The following CACHD1 variants were observed in gnomAD, a reference collection of about 807,000 sequenced individuals.
CACHD1 encodes cache domain containing 1.
In CACHD1, 71 loss-of-function variants were observed where a neutral mutation model predicts 138.7. That is an observed-to-expected ratio of 0.51 (90% CI 0.42 to 0.62). CACHD1 has a LOEUF of 0.62. Ranked by LOEUF, CACHD1 falls within the 20% of genes least tolerant of loss-of-function variation. CACHD1 has a pLI of 0.00. For missense variants in CACHD1, 1,389 were observed against 1,625.3 expected (o/e 0.85, Z 2.50); for synonymous variants, 578 against 591.5 (o/e 0.98, Z 0.33).
chr1:64,677,793 T>A (rs1347522360), intron 22 of CACHD1, among the ~76,000 whole-genome samples: 4 of 152,188 alleles, frequency 2.6e-5, no homozygotes, highest in Admixed American at 2.0e-4. Flanking sequence ...TTGGACTTTT[T>A]TTTTTATTTT....
At chr1:64,544,174 C>CAGAGACCCATAAATAGCA (rs1646700324) in intron 1 of CACHD1, among the ~76,000 whole-genome samples, 2 of 152,252 alleles carry the variant, frequency 1.3e-5, no homozygotes, top group African/African-American at 4.8e-5. Flanking sequence ...GTGCTTGCCA[C>CAGAGACCCATAAATAGCA]AGAGACCCAT....
intron 2 of CACHD1, among the ~76,000 whole-genome samples, chr1:64,580,777 A>G (rs977911961): frequency 3.9e-5 from 6 of 152,122 alleles, no homozygotes; most frequent in Middle Eastern, 3.2e-3. Flanking sequence ...GCCTCTATCT[A>G]TCTACTTTGC....
chr1:64,502,179 A>G (rs1007798284), intron 1 of CACHD1, among the ~76,000 whole-genome samples: 1 of 152,276 alleles, frequency 6.6e-6, no homozygotes, highest in Non-Finnish European at 1.5e-5. Flanking sequence ...GACAGAAAAC[A>G]TTGCAAGTAG....
chr1:64,542,135 GATAA>G (rs941950591), intron 1 of CACHD1, among the ~76,000 whole-genome samples: 2 of 152,116 alleles, frequency 1.3e-5, no homozygotes, highest in Admixed American at 1.3e-4. Flanking sequence ...TCGTTTATGA[GATAA>G]ATGAGTTATG....
chr1:64,562,857 G>C (rs1376436575), intron 2 of CACHD1, among the ~76,000 whole-genome samples: 1 of 152,126 alleles, frequency 6.6e-6, no homozygotes, highest in African/African-American at 2.4e-5. Flanking sequence ...ATCTAAAAAT[G>C]GTTTGAGGTT....
intron 1 of CACHD1, among the ~76,000 whole-genome samples, chr1:64,503,942 T>A (rs1646353526): frequency 6.6e-6 from 1 of 152,222 alleles, no homozygotes; most frequent in African/African-American, 2.4e-5. Context: ...TCATTCTGCC[T>A]ACTTTGGAAA....
intron 1 of CACHD1, among the ~76,000 whole-genome samples, chr1:64,540,899 G>A (rs542328417): frequency 7.9e-5 from 12 of 152,208 alleles, no homozygotes; most frequent in African/African-American, 2.4e-4. Flanking sequence ...GGTTTGTAGG[G>A]TGTTAAAGTT....
intron 3 of CACHD1, among the ~76,000 whole-genome samples, chr1:64,591,521 ATGTC>A (rs1322415019): frequency 2.6e-5 from 4 of 152,208 alleles, no homozygotes; most frequent in Non-Finnish European, 4.4e-5. Context: ...GTAAAGAACA[ATGTC>A]TATCTTTCTC....
In CACHD1 at chr1:64,549,795, A is replaced by ATT. The variant is rs138406571; in HGVS notation, c.199-792_199-791dup. ...AAATGATAAGGCTGCTGCTCTTTTT[A>ATT]TTTTTTTTATTTTTTTGCTCCTCTA... On this transcript the variant is annotated intron_variant, in intron 1 of 26. Coordinates refer to ENST00000651257, the MANE Select transcript of CACHD1 (RefSeq NM_020925.4). Among the ~76,000 whole-genome samples the ATT allele has an allele frequency of 3.3e-3, 447 of 136,470 alleles. 1 individual carries two copies. The highest frequency in any genetic ancestry group is 0.015 in the Middle Eastern group (4 of 268). The allele number at this position is 136,470 out of a possible 152,430, so 89.5% of individuals were successfully genotyped here.
intron 1 of CACHD1, among the ~76,000 whole-genome samples, chr1:64,529,600 A>G (rs1467659545): frequency 6.6e-6 from 1 of 152,224 alleles, no homozygotes; most frequent in African/African-American, 2.4e-5. Context: ...CTACTGTGTT[A>G]CAGTGATAAA....
intron 1 of CACHD1, among the ~76,000 whole-genome samples, chr1:64,505,392 A>AG (rs1646364450): frequency 7.0e-6 from 1 of 143,510 alleles, no homozygotes; most frequent in African/African-American, 2.6e-5. Flanking sequence ...AGGGGAGGGG[A>AG]GGGGAGGGGA....
intron 26 of CACHD1, among the ~76,000 whole-genome samples, chr1:64,684,294 T>G (rs762945635): frequency 2.6e-5 from 4 of 152,092 alleles, no homozygotes; most frequent in Non-Finnish European, 5.9e-5. Context: ...GGTAAAAATT[T>G]TTTTTGGTAT....
chr1:64,591,351 G>A (rs1647098668), intron 3 of CACHD1, among the ~76,000 whole-genome samples: 1 of 152,188 alleles, frequency 6.6e-6, no homozygotes. Flanking sequence ...GAAACCCCAA[G>A]CGTAGAAATG....
intron 4 of CACHD1, among the ~76,000 whole-genome samples, chr1:64,611,870 G>C (rs926346997): frequency 6.6e-6 from 1 of 152,146 alleles, no homozygotes; most frequent in Non-Finnish European, 1.5e-5. Flanking sequence ...TCCTCATACT[G>C]CTATACAGAT....
At chr1:64,676,804 CA>C in intron 21 of CACHD1, 90 bp from the exon 22 acceptor site, 1 of 1,001,298 alleles carries the variant, frequency 1.0e-6, no homozygotes, top group South Asian at 1.5e-5. Context: ...GATTCAAACC[CA>C]AATCTGTCTG....
intron 1 of CACHD1, among the ~76,000 whole-genome samples, chr1:64,539,009 G>C (rs139911698): frequency 2.1e-3 from 313 of 152,282 alleles, no homozygotes; most frequent in African/African-American, 7.1e-3. Flanking sequence ...GAATAAAACT[G>C]CCCCTCACAG....
chr1:64,648,851 A>C (rs1411507506), intron 9 of CACHD1, among the ~76,000 whole-genome samples: 1 of 152,194 alleles, frequency 6.6e-6, no homozygotes, highest in East Asian at 1.9e-4. Flanking sequence ...GATTAAATGC[A>C]ATAATAATAA....
chr1:64,658,031 T>A (rs1649322515), intron 12 of CACHD1, among the ~76,000 whole-genome samples: 2 of 152,236 alleles, frequency 1.3e-5, no homozygotes. Flanking sequence ...TACTACTGTT[T>A]CTACATATGA....
intron 26 of CACHD1, among the ~76,000 whole-genome samples, chr1:64,688,496 A>G (rs1241034908): frequency 1.3e-5 from 2 of 152,090 alleles, no homozygotes; most frequent in Non-Finnish European, 2.9e-5. Context: ...TGGCATCTTC[A>G]CCAGGCAAGT....
Sources: gnomAD v4.1 joint callset for allele counts (sites outside exome capture counted in the v4.1 genomes callset) on GRCh38, gnomAD v4.1.1 for gene constraint, MANE v1.5 for transcripts, NCBI Gene and HGNC (gene_info 2026-07-23, HGNC 2026-07-21) for gene names.